The following SHROOM2 variants were observed in gnomAD, a reference collection of about 807,000 sequenced individuals.
SHROOM2 encodes the protein protein Shroom2.
SHROOM2 carries 33 observed loss-of-function variants against 75.9 expected under a neutral mutation model. That is an observed-to-expected ratio of 0.43 (90% confidence interval 0.33 to 0.58). The LOEUF (loss-of-function observed/expected upper bound fraction) is 0.58, where lower values mean the gene tolerates loss of function less well. SHROOM2 is among the 20% of genes least tolerant of loss of function. The probability of loss-of-function intolerance (pLI) is 0.04; values close to 1 mark genes in which losing one functional copy is unlikely to be tolerated. For synonymous variants in SHROOM2, 655 were observed against 663.6 expected (o/e 0.99, Z 0.20); for missense variants, 1,434 against 1,461.2 (o/e 0.98, Z 0.30).
At chrX:9,877,936 G>A (rs368328664) in intron 2 of SHROOM2, among the ~76,000 whole-genome samples, 47 of 111,281 alleles carry the variant, frequency 4.2e-4, no homozygotes, top group African/African-American at 1.3e-3. Flanking sequence ...GCCAGGGACC[G>A]TGGCTGTTGC....
intron 1 of SHROOM2, among the ~76,000 whole-genome samples, chrX:9,861,456 C>T (rs544655844): frequency 3.6e-5 from 4 of 112,312 alleles, no homozygotes; most frequent in South Asian, 7.4e-4. Flanking sequence ...AGATGTGAGC[C>T]ACCATGCCCG....
Position 9,932,603 on chromosome X carries a change from C to T in SHROOM2, c.3320C>T (p.Ala1107Val), listed in dbSNP as rs935831601. 60 of 1,211,434 alleles carry T rather than the reference C, an allele frequency of 5.0e-5. No homozygotes were observed. The highest frequency in any genetic ancestry group is 6.6e-5 in the Non-Finnish European group (59 of 895,246). The change falls in exon 6 of 10, where the codon GCC (alanine) becomes GTC (valine). Residue 1107 changes from alanine to valine, a missense_variant. Around this residue, in one of 3 missense-constraint regions of SHROOM2, gnomAD observed 1,340 missense variants for 1,338.3 expected, o/e 1.00. Coordinates refer to ENST00000380913, the MANE Select transcript of SHROOM2 (RefSeq NM_001649.4). ...CCTGCGTCCCTGGATGTGTATGTGG[C>T]CCGCCTGTCCCTCTCCCACAGCCCC... ...PSPASLDVYV[A>V]RLSLSHSPSV...
At chrX:9,877,025 TGC>T (rs1451505835) in intron 2 of SHROOM2, among the ~76,000 whole-genome samples, 1 of 112,354 alleles carries the variant, frequency 8.9e-6, no homozygotes, top group East Asian at 2.8e-4. Flanking sequence ...TAGTGACAGC[TGC>T]TACACGTCTT....
intron 1 of SHROOM2, among the ~76,000 whole-genome samples, chrX:9,808,538 G>C (rs1213298924): frequency 9.1e-6 from 1 of 110,329 alleles, no homozygotes; most frequent in Non-Finnish European, 1.9e-5. Flanking sequence ...GACAGAGTGA[G>C]ACCCTGTCTC....
intron 1 of SHROOM2, among the ~76,000 whole-genome samples, chrX:9,854,717 G>T (rs1205081446): frequency 1.8e-5 from 2 of 111,716 alleles, no homozygotes; most frequent in East Asian, 5.6e-4. Flanking sequence ...GGGGCAGGGA[G>T]TTGAGAGCTT....
intron 1 of SHROOM2, among the ~76,000 whole-genome samples, chrX:9,796,403 G>A (rs1601910122): frequency 9.1e-6 from 1 of 109,442 alleles, no homozygotes; most frequent in African/African-American, 3.3e-5. Context: ...CAGCCTGGGC[G>A]ACAGAGTGAG....
intron 5 of SHROOM2, among the ~76,000 whole-genome samples, chrX:9,908,016 A>G (rs1469933845): frequency 8.9e-6 from 1 of 112,832 alleles, no homozygotes; most frequent in Non-Finnish European, 1.9e-5. Context: ...CACAGGGAGC[A>G]TGGAACCCAG....
chrX:9,945,814 C>T (rs1450830666), intron 9 of SHROOM2, among the ~76,000 whole-genome samples: 2 of 112,258 alleles, frequency 1.8e-5, no homozygotes, highest in Non-Finnish European at 3.8e-5. Context: ...GAAATAATAG[C>T]TGCCTCGTTG....
intron 5 of SHROOM2, among the ~76,000 whole-genome samples, chrX:9,904,332 C>T (rs1180223550): frequency 9.0e-6 from 1 of 111,315 alleles, no homozygotes; most frequent in Non-Finnish European, 1.9e-5. Context: ...CCAGCTGGGG[C>T]AACCTAGCAA....
chrX:9,877,032 C>T (rs946302874), intron 2 of SHROOM2, among the ~76,000 whole-genome samples: 3 of 112,208 alleles, frequency 2.7e-5, no homozygotes, highest in Non-Finnish European at 3.8e-5. Context: ...AGCTGCTACA[C>T]GTCTTATTTT....
intron 1 of SHROOM2, among the ~76,000 whole-genome samples, chrX:9,820,580 G>A (rs1273186974): frequency 1.8e-5 from 2 of 111,754 alleles, no homozygotes; most frequent in Admixed American, 1.9e-4. Context: ...GCCCAGGCTG[G>A]TCTCAAACTC....
intron 1 of SHROOM2, among the ~76,000 whole-genome samples, chrX:9,834,245 C>A (rs976762379): frequency 5.4e-5 from 6 of 111,633 alleles, no homozygotes; most frequent in African/African-American, 2.0e-4. Context: ...TGGCCCCCAG[C>A]ATGGGTTGAG....
intron 6 of SHROOM2, among the ~76,000 whole-genome samples, chrX:9,935,748 G>C (rs1265326723): frequency 1.8e-5 from 2 of 111,826 alleles, no homozygotes; most frequent in African/African-American, 3.3e-5. Context: ...TTAGAGCATC[G>C]TGGCTGCCCT....
At chrX:9,836,195 G>A (rs1461946576) in intron 1 of SHROOM2, among the ~76,000 whole-genome samples, 1 of 112,066 alleles carries the variant, frequency 8.9e-6, no homozygotes, top group African/African-American at 3.2e-5. Context: ...AAAGGCCCAT[G>A]TCCCCTCTCC....
At chrX:9,812,235 C>G (rs894859600) in intron 1 of SHROOM2, among the ~76,000 whole-genome samples, 1 of 111,929 alleles carries the variant, frequency 8.9e-6, no homozygotes, top group Non-Finnish European at 1.9e-5. Flanking sequence ...CAAACAGCAT[C>G]CTTATCTGCC....
chrX:9,798,301 C>T (rs775437727), intron 1 of SHROOM2, among the ~76,000 whole-genome samples: 7 of 111,761 alleles, frequency 6.3e-5, no homozygotes, highest in Admixed American at 2.9e-4. Context: ...CTGAAGCTGA[C>T]GAAATTCCAC....
intron 1 of SHROOM2, among the ~76,000 whole-genome samples, chrX:9,873,252 A>T (rs1380340547): frequency 2.7e-5 from 3 of 112,703 alleles, no homozygotes; most frequent in African/African-American, 9.7e-5. Context: ...ATTTGAGTGA[A>T]TATATGGTAT....
chrX:9,886,235 G>A (rs770771101), intron 2 of SHROOM2, among the ~76,000 whole-genome samples: 13 of 112,481 alleles, frequency 1.2e-4, no homozygotes, highest in Non-Finnish European at 2.1e-4. Context: ...GATGCCTTCT[G>A]CACATGCATT....
At position 9,932,628 on chromosome X, in the gene SHROOM2, C is replaced by T; in HGVS notation, c.3345C>T (p.Pro1115=). ...YVARLSLSHS[P]SVFSSAQPQD... is the part of the protein sequence containing the mutation. Reference sequence around the variant, plus strand: ...CCCGCCTGTCCCTCTCCCACAGCCCCTCTGTGTTCAGCAGTGCCCAGCCCC... The same window carrying T: ...CCCGCCTGTCCCTCTCCCACAGCCCTTCTGTGTTCAGCAGTGCCCAGCCCC... Residue 1115 remains proline (P), a synonymous_variant, in exon 6 of 10, where the codon CCC becomes CCT. Transcript: ENST00000380913. 2 of 1,211,446 alleles carry T rather than the reference C, an allele frequency of 1.7e-6. No individual in the cohort carries two copies. Among genetic ancestry groups the T allele is most frequent in the Non-Finnish European group, 2.2e-6 (2 of 895,145 alleles).
Sources: gnomAD v4.1 joint callset for allele counts (sites outside exome capture counted in the v4.1 genomes callset) on GRCh38, gnomAD v4.1.1 for gene constraint, gnomAD v4.1.1 regional missense constraint, MANE v1.5 for transcripts, NCBI Gene and HGNC (gene_info 2026-07-23, HGNC 2026-07-21) for gene names.